The following NKAIN2 variants were observed in gnomAD, a reference collection of about 807,000 sequenced individuals.
NKAIN2 encodes the protein sodium/potassium transporting ATPase interacting 2.
A neutral mutation model predicts 32.6 loss-of-function variants in NKAIN2; 14 were observed. That is an observed-to-expected ratio of 0.43 (90% CI 0.28 to 0.67). The LOEUF (loss-of-function observed/expected upper bound fraction) is 0.67, where lower values mean the gene tolerates loss of function less well. Among genes scored for constraint, NKAIN2 ranks in the 30% least tolerant of loss-of-function variants. The probability of loss-of-function intolerance (pLI) is 0.17; values close to 1 mark genes in which losing one functional copy is unlikely to be tolerated. For missense variants in NKAIN2, 198 were observed against 258.3 expected, an observed-to-expected ratio of 0.77 and a Z score of 1.60; for synonymous variants, 80 against 87.2, an observed-to-expected ratio of 0.92 and a Z score of 0.46.
chr6:124,580,068 C>A (rs1225876472), intron 3 of NKAIN2, among the ~76,000 whole-genome samples: 1 of 152,120 alleles, frequency 6.6e-6, no homozygotes. Context: ...ACCAGACCTG[C>A]CCTACAAGAA....
At chr6:124,141,065 T>G (rs1224066591) in intron 1 of NKAIN2, among the ~76,000 whole-genome samples, 1 of 152,186 alleles carries the variant, frequency 6.6e-6, no homozygotes, top group African/African-American at 2.4e-5. Context: ...CTGTCAATGT[T>G]GCATTGAGTC....
At chr6:124,692,641 C>G (rs914641141) in intron 4 of NKAIN2, among the ~76,000 whole-genome samples, 1 of 151,888 alleles carries the variant, frequency 6.6e-6, no homozygotes, top group Non-Finnish European at 1.5e-5. Flanking sequence ...ACAGTGAAAC[C>G]CTGTCTCTAC....
intron 3 of NKAIN2, among the ~76,000 whole-genome samples, chr6:124,591,332 C>A (rs1032493827): frequency 1.3e-5 from 2 of 151,966 alleles, no homozygotes; most frequent in Non-Finnish European, 2.9e-5. Flanking sequence ...ATGAACTGAT[C>A]GGAATAAGTG....
intron 3 of NKAIN2, among the ~76,000 whole-genome samples, chr6:124,362,280 G>T (rs1472942765): frequency 2.0e-5 from 3 of 151,812 alleles, no homozygotes; most frequent in African/African-American, 7.3e-5. Context: ...GCAGATTTTT[G>T]CCTTATGATG....
chr6:124,322,145 A>C (rs1407524643), intron 2 of NKAIN2, among the ~76,000 whole-genome samples: 1 of 152,202 alleles, frequency 6.6e-6, no homozygotes, highest in African/African-American at 2.4e-5. Context: ...AACCAGATTT[A>C]GTAGAATATA....
chr6:124,039,971 C>T (rs570228149), intron 1 of NKAIN2, among the ~76,000 whole-genome samples: 5 of 152,038 alleles, frequency 3.3e-5, no homozygotes, highest in South Asian at 4.1e-4. Context: ...CCTCCATTCC[C>T]ACCCTCACCA....
At chr6:124,257,780 CTTTTT>C (rs374874073) in intron 1 of NKAIN2, among the ~76,000 whole-genome samples, 3 of 136,214 alleles carry the variant, frequency 2.2e-5, no homozygotes, top group Admixed American at 7.5e-5. Flanking sequence ...TTTTTCTTTT[CTTTTT>C]TTTTTTTTTT....
chr6:124,018,461 G>T (rs1472103494), intron 1 of NKAIN2, among the ~76,000 whole-genome samples: 1 of 152,140 alleles, frequency 6.6e-6, no homozygotes, highest in African/African-American at 2.4e-5. Flanking sequence ...TCCTCAGGCT[G>T]TAAACTTTTC....
intron 3 of NKAIN2, among the ~76,000 whole-genome samples, chr6:124,606,281 C>CT (rs971486396): frequency 7.3e-5 from 11 of 151,208 alleles, no homozygotes; most frequent in African/African-American, 1.7e-4. Context: ...GAGACTTCTC[C>CT]TTTTTTTTGC....
rs112029434 is a variant in NKAIN2 at position 124,658,963 on chromosome 6, A to T, written c.474+577A>T. The T allele has an allele frequency of 9.6e-3, 1,449 of 151,646 alleles. 32 individuals carry two copies. The highest frequency in any genetic ancestry group is 0.032 in the African/African-American group (1,307 of 41,180). The allele number at this position is 151,646 out of a possible 1,614,324, so 9.4% of individuals were successfully genotyped here. On this transcript the variant is annotated intron_variant, in intron 4 of 6. Coordinates refer to ENST00000368417, the MANE Select transcript of NKAIN2 (RefSeq NM_001040214.3). ...TTTTCATAGTACTGTAACAATAAAA[A>T]AAAAAAAAAACCTCCTTCTACCAGG...
In NKAIN2 at chr6:124,309,999, C is replaced by T. The variant is rs1186176080; in HGVS notation, c.192+26857C>T. On this transcript the variant is annotated intron_variant, in intron 2 of 6. Transcript: ENST00000368417. ...TAAAATTACTTAGTTCAGCTTATTT[C>T]CATACATAGGTCAGACTTGAAATAC... Among the ~76,000 whole-genome samples, 4 of 152,188 alleles carry T rather than the reference C, an allele frequency of 2.6e-5. No homozygotes were observed. The East Asian group carries it at 7.7e-4, about 29-fold the overall frequency.
At chr6:124,126,392 C>CAA (rs1786167409) in intron 1 of NKAIN2, among the ~76,000 whole-genome samples, 1 of 152,134 alleles carries the variant, frequency 6.6e-6, no homozygotes, top group Non-Finnish European at 1.5e-5. Flanking sequence ...CCTTCATTCT[C>CAA]CCTCTTACTT....
intron 1 of NKAIN2, among the ~76,000 whole-genome samples, chr6:124,187,400 T>A (rs1215761846): frequency 6.6e-6 from 1 of 152,168 alleles, no homozygotes; most frequent in African/African-American, 2.4e-5. Flanking sequence ...TTATGTCACA[T>A]CATTAAGGGC....
chr6:124,421,132 A>G, intron 3 of NKAIN2, among the ~76,000 whole-genome samples: 1 of 151,834 alleles, frequency 6.6e-6, no homozygotes, highest in East Asian at 1.9e-4. Flanking sequence ...TCCTTGAAGA[A>G]ATATCCTGAG....
At chr6:123,906,262 TTTC>T (rs1046084779) in intron 1 of NKAIN2, among the ~76,000 whole-genome samples, 134 of 152,054 alleles carry the variant, frequency 8.8e-4, no homozygotes, top group Admixed American at 1.5e-3. Flanking sequence ...TTAGCACCAC[TTTC>T]TTCTTCTTCT....
chr6:124,558,409 A>AT (rs34067946), intron 3 of NKAIN2, among the ~76,000 whole-genome samples: 27,670 of 151,638 alleles, frequency 0.18, 2,647 homozygotes, highest in African/African-American at 0.21. Context: ...TTTCTACTCC[A>AT]TTTTTTTTCA....
chr6:124,453,299 T>G (rs1357506832), intron 3 of NKAIN2, among the ~76,000 whole-genome samples: 1 of 138,584 alleles, frequency 7.2e-6, no homozygotes, highest in Non-Finnish European at 1.5e-5. Context: ...TCCCCCACTT[T>G]CTCCCCCTCA....
chr6:123,937,993 G>A (rs969765111), intron 1 of NKAIN2, among the ~76,000 whole-genome samples: 1 of 17,772 alleles, frequency 5.6e-5, no homozygotes, highest in Non-Finnish European at 9.5e-5. Context: ...GAACATACAC[G>A]AAAAGGTCAA....
intron 1 of NKAIN2, among the ~76,000 whole-genome samples, chr6:124,108,643 A>G (rs756079142): frequency 9.9e-5 from 15 of 152,024 alleles, no homozygotes; most frequent in Non-Finnish European, 2.1e-4. Context: ...CTTCCTCCCT[A>G]TGTTTTCTTC....
Sources: gnomAD v4.1 joint callset for allele counts (sites outside exome capture counted in the v4.1 genomes callset) on GRCh38, gnomAD v4.1.1 for gene constraint, MANE v1.5 for transcripts, NCBI Gene and HGNC (gene_info 2026-07-23, HGNC 2026-07-21) for gene names.